Variants in GLIS3 observed in about 807,000 individuals in gnomAD.
GLIS3 encodes the protein GLIS family zinc finger 3.
GLIS3 carries 53 observed loss-of-function variants against 78.6 expected under a neutral mutation model. That is an observed-to-expected ratio of 0.67 (90% confidence interval 0.54 to 0.85). The LOEUF (loss-of-function observed/expected upper bound fraction) is 0.85, where lower values mean the gene tolerates loss of function less well. Among genes scored for constraint, GLIS3 ranks in the 40% least tolerant of loss-of-function variants. GLIS3 has a pLI of 0.00. For synonymous variants in GLIS3, 684 were observed against 509.9 expected, an observed-to-expected ratio of 1.34 and a Z score of -4.60; for missense variants, 1,703 against 1,231.1, an observed-to-expected ratio of 1.38 and a Z score of -5.74.
intron 4 of GLIS3, among the ~76,000 whole-genome samples, chr9:4,109,905 T>C (rs1831073237): frequency 6.6e-6 from 1 of 152,212 alleles, no homozygotes. Flanking sequence ...TCTTTCAGGA[T>C]GCAGTTACCT....
intron 4 of GLIS3, among the ~76,000 whole-genome samples, chr9:4,089,727 G>A (rs1426532652): frequency 6.6e-6 from 1 of 152,084 alleles, no homozygotes; most frequent in Non-Finnish European, 1.5e-5. Context: ...GCTGAGGTGG[G>A]AGGATCGCTT....
chr9:4,294,967 A>C (rs1816353042), intron 1 of GLIS3, among the ~76,000 whole-genome samples: 1 of 152,240 alleles, frequency 6.6e-6, no homozygotes, highest in African/African-American at 2.4e-5. Context: ...TGTGACCATA[A>C]TCATGAATCC....
rs551610976 is a variant in GLIS3, at chr9:4,027,647, C to T, written c.1710+90121G>A. Among the ~76,000 whole-genome samples, 3 of 152,280 alleles carry T rather than the reference C, an allele frequency of 2.0e-5. No homozygotes were observed. In the East Asian group the frequency reaches 5.8e-4, roughly 29 times the overall value. On this transcript the variant is annotated intron_variant, in intron 4 of 10. Coordinates refer to ENST00000381971, the MANE Select transcript of GLIS3 (RefSeq NM_001042413.2). ...AATGCCATAAATAACATGTACTGTG[C>T]TTGTTCTCTGTTCCTAAACAGTCTG...
At chr9:4,274,356 T>G (rs1039350272) in intron 2 of GLIS3, among the ~76,000 whole-genome samples, 1 of 152,078 alleles carries the variant, frequency 6.6e-6, no homozygotes, top group East Asian at 1.9e-4. Context: ...GTTGGGGTGT[T>G]TTTTCATTTG....
At chr9:4,388,822 AT>A in the GLIS3 span, among the ~76,000 whole-genome samples, 1 of 152,220 alleles carries the variant, frequency 6.6e-6, no homozygotes, top group Non-Finnish European at 1.5e-5. Flanking sequence ...ATTTGAATTA[AT>A]AATAGCCAAA....
intron 3 of GLIS3, among the ~76,000 whole-genome samples, chr9:4,119,140 TCTTAATA>T (rs1831993270): frequency 6.6e-6 from 1 of 152,208 alleles, no homozygotes; most frequent in South Asian, 2.1e-4. Flanking sequence ...TTATAAATAA[TCTTAATA>T]CTTGAGTAAT....
intron 2 of GLIS3, among the ~76,000 whole-genome samples, chr9:4,196,189 A>G (rs907718393): frequency 6.6e-6 from 1 of 152,188 alleles, no homozygotes; most frequent in Non-Finnish European, 1.5e-5. Context: ...ATGTCTAGCC[A>G]GAGGATTGTA....
intron 4 of GLIS3, among the ~76,000 whole-genome samples, chr9:3,992,277 T>G (rs900237927): frequency 6.6e-6 from 1 of 152,152 alleles, no homozygotes; most frequent in Non-Finnish European, 1.5e-5. Flanking sequence ...GGGGAAAAAG[T>G]GATTCATTTC....
chr9:4,408,658 C>T, the GLIS3 span, among the ~76,000 whole-genome samples: 2 of 126,914 alleles, frequency 1.6e-5, no homozygotes, highest in African/African-American at 3.2e-5. Context: ...ACCCGGGAGG[C>T]GGAGCTTGCA....
chr9:4,087,801 G>C (rs1485683398), intron 4 of GLIS3, among the ~76,000 whole-genome samples: 1 of 152,170 alleles, frequency 6.6e-6, no homozygotes, highest in Non-Finnish European at 1.5e-5. Flanking sequence ...GTCCAGGCCT[G>C]ACCGCTTCCT....
At chr9:4,374,279 G>C in the GLIS3 span, among the ~76,000 whole-genome samples, 3 of 152,190 alleles carry the variant, frequency 2.0e-5, no homozygotes, top group East Asian at 5.8e-4. Context: ...TGGCTGTTAT[G>C]GGCTAAATCC....
intron 2 of GLIS3, among the ~76,000 whole-genome samples, chr9:4,228,832 G>A (rs1222016150): frequency 6.6e-6 from 1 of 152,150 alleles, no homozygotes; most frequent in East Asian, 1.9e-4. Flanking sequence ...CCACACAGTG[G>A]AACTCTGCTC....
At chr9:4,068,521 T>C (rs139857887) in intron 4 of GLIS3, among the ~76,000 whole-genome samples, 70 of 152,342 alleles carry the variant, frequency 4.6e-4, no homozygotes, top group Non-Finnish European at 8.8e-4. Context: ...AGTGAATTTA[T>C]ATCCTTTATA....
the GLIS3 span, among the ~76,000 whole-genome samples, chr9:4,399,039 G>T: frequency 1.3e-5 from 2 of 152,140 alleles, no homozygotes; most frequent in South Asian, 2.1e-4. Context: ...TATATTTTAT[G>T]CTAGGGGTGA....
chr9:3,908,702 A>ATTTTTTTT (rs1223677932), intron 6 of GLIS3, among the ~76,000 whole-genome samples: 3 of 29,066 alleles, frequency 1.0e-4, no homozygotes, highest in African/African-American at 3.0e-4. Context: ...TGTGATTTGT[A>ATTTTTTTT]TTTGTTTTTT....
chr9:4,350,125 G>C (rs979802166), upstream of GLIS3, among the ~76,000 whole-genome samples: 1 of 152,230 alleles, frequency 6.6e-6, no homozygotes, highest in African/African-American at 2.4e-5. Flanking sequence ...AGGCATAGGA[G>C]TTCCATCACC....
At chr9:4,245,685 G>A (rs1302888999) in intron 2 of GLIS3, among the ~76,000 whole-genome samples, 1 of 152,284 alleles carries the variant, frequency 6.6e-6, no homozygotes, top group East Asian at 1.9e-4. Flanking sequence ...AATGTTTGAG[G>A]TGATGGATAC....
At chr9:4,385,767 AAG>A in the GLIS3 span, among the ~76,000 whole-genome samples, 3 of 57,740 alleles carry the variant, frequency 5.2e-5, no homozygotes, top group South Asian at 5.5e-4. Flanking sequence ...GAAAGAAAGA[AAG>A]AAAGAAAGAA....
At chr9:4,008,186 G>C (rs1821713591) in intron 4 of GLIS3, among the ~76,000 whole-genome samples, 1 of 152,180 alleles carries the variant, frequency 6.6e-6, no homozygotes, top group African/African-American at 2.4e-5. Context: ...ACAGCTCAGA[G>C]GGATGCTATA....
Sources: allele counts gnomAD v4.1 joint callset (sites outside exome capture counted in the v4.1 genomes callset), GRCh38; gene constraint gnomAD v4.1.1; transcripts MANE v1.5; gene names NCBI Gene and HGNC (gene_info 2026-07-23, HGNC 2026-07-21).